NCAM1: variants seen among roughly 807,000 people sequenced by gnomAD.
NCAM1 encodes neural cell adhesion molecule 1.
Under a neutral mutation model 109.8 loss-of-function variants are expected in NCAM1, and 14 were observed. The ratio of observed to expected loss-of-function variants is 0.13; its 90% CI spans 0.08 to 0.20. NCAM1 has a LOEUF of 0.20. NCAM1 is among the 10% of genes least tolerant of loss of function. The pLI, the probability that NCAM1 is intolerant of heterozygous loss-of-function variation, is 1.00. For synonymous variants in NCAM1, 418 were observed against 442.9 expected (o/e 0.94, Z 0.70); for missense variants, 774 against 1,109.9 (o/e 0.70, Z 4.30).
intron 1 of NCAM1, among the ~76,000 whole-genome samples, chr11:113,045,846 T>G (rs201873106): frequency 1.1e-4 from 17 of 151,302 alleles, no homozygotes; most frequent in Middle Eastern, 3.4e-3. Context: ...ATAAAAGAGT[T>G]TTTTTTTTTT....
At chr11:112,966,802 A>G (rs1262665539) in intron 1 of NCAM1, among the ~76,000 whole-genome samples, 1 of 152,234 alleles carries the variant, frequency 6.6e-6, no homozygotes. Context: ...TACATTTAAA[A>G]CATGCTCAGG....
At chr11:113,223,928 T>C (rs916451317) in intron 9 of NCAM1, among the ~76,000 whole-genome samples, 2 of 152,158 alleles carry the variant, frequency 1.3e-5, no homozygotes, top group African/African-American at 2.4e-5. Context: ...GTATGATGTA[T>C]GAAAATAGCC....
intron 9 of NCAM1, among the ~76,000 whole-genome samples, chr11:113,229,794 G>A (rs1402325270): frequency 1.3e-5 from 2 of 152,176 alleles, no homozygotes; most frequent in African/African-American, 2.4e-5. Context: ...GGACATGGAT[G>A]AAGCTGGAAA....
At chr11:113,252,425 G>T (rs976729056) in intron 15 of NCAM1, among the ~76,000 whole-genome samples, 2 of 135,994 alleles carry the variant, frequency 1.5e-5, no homozygotes, top group Non-Finnish European at 3.1e-5. Context: ...AAAAAAAAAA[G>T]TCATAGGAAG....
chr11:113,221,663 A>G (rs782023057), intron 9 of NCAM1: 9 of 267,252 alleles, frequency 3.4e-5, no homozygotes, highest in Non-Finnish European at 5.8e-5. Flanking sequence ...TTTGACTCAC[A>G]TGGTTGATGT....
chr11:113,270,934 A>G (rs887449078), intron 18 of NCAM1, among the ~76,000 whole-genome samples: 2 of 152,202 alleles, frequency 1.3e-5, no homozygotes, highest in Non-Finnish European at 2.9e-5. Flanking sequence ...AACAGATCCT[A>G]AGCCAGTTAG....
chr11:113,095,637 G>C (rs781799700), intron 1 of NCAM1, among the ~76,000 whole-genome samples: 3 of 152,230 alleles, frequency 2.0e-5, no homozygotes, highest in Non-Finnish European at 4.4e-5. Flanking sequence ...AATAGCAATA[G>C]CTGACGTTTT....
chr11:113,070,638 T>G (rs1938218252), intron 1 of NCAM1, among the ~76,000 whole-genome samples: 1 of 152,194 alleles, frequency 6.6e-6, no homozygotes, highest in African/African-American at 2.4e-5. Flanking sequence ...GTATGGCTTT[T>G]GCTTTTTCTA....
At chr11:113,104,211 G>GC (rs1213469182) in intron 1 of NCAM1, among the ~76,000 whole-genome samples, 7 of 130,564 alleles carry the variant, frequency 5.4e-5, no homozygotes, top group African/African-American at 1.1e-4. Flanking sequence ...GTGGGGTGGG[G>GC]GGGGGGGCGG....
rs782544643 is a variant in NCAM1 at position 113,275,809 on chromosome 11, A to G, written c.*422A>G. The G allele has an allele frequency of 1.3e-4, 21 of 158,844 alleles. 1 individual carries two copies. In the South Asian group the frequency reaches 3.7e-3, roughly 28 times the overall value. 9.8% of individuals were successfully genotyped at this position (158,844 alleles called of 1,614,324 possible). A position where few individuals can be genotyped will look rare whatever the true frequency, so the allele number is the denominator to read the frequency against. On this transcript the variant is annotated 3_prime_UTR_variant, in exon 20 of 20. Transcript: ENST00000316851. ...AGACCAGTTTCAGAGAAATACTTTC[A>G]GGCACTAAGACTAATCGAATGAACA...
intron 5 of NCAM1, among the ~76,000 whole-genome samples, chr11:113,206,807 G>A (rs1944252842): frequency 6.6e-6 from 1 of 152,140 alleles, no homozygotes. Context: ...CAGAGAAATG[G>A]CACTCTTTGT....
intron 1 of NCAM1, among the ~76,000 whole-genome samples, chr11:113,030,015 C>T (rs1191991462): frequency 6.6e-6 from 1 of 152,124 alleles, no homozygotes; most frequent in Non-Finnish European, 1.5e-5. Context: ...TGTTGTATTT[C>T]CTACACACCT....
chr11:113,198,022 T>C (rs1441658597), intron 1 of NCAM1, among the ~76,000 whole-genome samples: 4 of 152,114 alleles, frequency 2.6e-5, no homozygotes, highest in African/African-American at 7.2e-5. Flanking sequence ...TCAGAACATA[T>C]CATCAGTTTA....
At chr11:113,247,378 A>G (rs1555120464) in intron 15 of NCAM1, among the ~76,000 whole-genome samples, 2 of 152,172 alleles carry the variant, frequency 1.3e-5, no homozygotes, top group African/African-American at 4.8e-5. Flanking sequence ...CGTGCATGCA[A>G]GGGGTCCCTG....
In NCAM1 at chr11:113,231,576, GC is replaced by G. The variant is rs1315723795; in HGVS notation, c.1090-67del. The G allele has an allele frequency of 6.7e-6, 10 of 1,495,848 alleles. No homozygotes were observed. The African/African-American group carries it at 1.4e-4, about 21-fold the overall frequency. The allele number at this position is 1,495,848 out of a possible 1,614,324, so 92.7% of individuals were successfully genotyped here. A position where few individuals can be genotyped will look rare whatever the true frequency, so the allele number is the denominator to read the frequency against. ...GGCCTAGTCTCCCAGCCCCCATCCT[GC>G]CATAGCACTGTTGCCCTTCACCCTG... On this transcript the variant is annotated intron_variant, in intron 9 of 19. Coordinates refer to ENST00000316851, the MANE Select transcript of NCAM1 (RefSeq NM_181351.5).
intron 1 of NCAM1, among the ~76,000 whole-genome samples, chr11:112,991,055 C>T (rs1434483820): frequency 6.6e-6 from 1 of 152,096 alleles, no homozygotes; most frequent in Admixed American, 6.5e-5. Flanking sequence ...GTGTTTTCTG[C>T]ACGTGTTTTG....
intron 17 of NCAM1, chr11:113,264,235 TG>T (rs781794308): frequency 3.1e-4 from 309 of 985,010 alleles, no homozygotes; most frequent in Non-Finnish European, 3.7e-4. Context: ...GGTTTCTTTA[TG>T]TATTTTTTTC....
At chr11:113,150,683 C>A (rs1555102320) in intron 1 of NCAM1, among the ~76,000 whole-genome samples, 1 of 152,116 alleles carries the variant, frequency 6.6e-6, no homozygotes, top group Non-Finnish European at 1.5e-5. Context: ...TTTCTGTTCC[C>A]AAACTGTTGG....
intron 7 of NCAM1, among the ~76,000 whole-genome samples, chr11:113,208,779 G>A (rs189684498): frequency 9.1e-4 from 138 of 152,256 alleles, no homozygotes; most frequent in African/African-American, 3.2e-3. Flanking sequence ...CTCTACTAGT[G>A]TGTAAACTTC....
Sources: allele counts gnomAD v4.1 joint callset (sites outside exome capture counted in the v4.1 genomes callset), GRCh38; gene constraint gnomAD v4.1.1; transcripts MANE v1.5; gene names NCBI Gene and HGNC (gene_info 2026-07-23, HGNC 2026-07-21).